The following NLGN1 variants were observed in gnomAD, a reference collection of about 807,000 sequenced individuals.
NLGN1 encodes neuroligin 1.
In NLGN1, 12 loss-of-function variants were observed where a neutral mutation model predicts 65.5. That is an observed-to-expected ratio of 0.18 (90% CI 0.12 to 0.30). NLGN1 has a LOEUF of 0.30. NLGN1 is among the 10% of genes least tolerant of loss of function. The probability of loss-of-function intolerance (pLI) is 1.00; values close to 1 mark genes in which losing one functional copy is unlikely to be tolerated. For synonymous variants in NLGN1, 350 were observed against 359.5 expected (o/e 0.97, Z 0.30); for missense variants, 750 against 1,007.1 (o/e 0.74, Z 3.46).
intron 3 of NLGN1, among the ~76,000 whole-genome samples, chr3:173,635,557 C>T (rs1020717338): frequency 4.6e-5 from 7 of 151,954 alleles, no homozygotes; most frequent in Admixed American, 1.3e-4. Context: ...AGAAGAAACA[C>T]GTAAAATTTT....
chr3:174,016,918 G>A (rs1726677841), intron 4 of NLGN1, among the ~76,000 whole-genome samples: 1 of 152,064 alleles, frequency 6.6e-6, no homozygotes, highest in African/African-American at 2.4e-5. Flanking sequence ...GTTGAGAAAG[G>A]AGCAGAGAAG....
Position 174,088,432 on chromosome 3 carries a change from G to T in NLGN1, c.647-186883G>T, listed in dbSNP as rs575703621. 2.7e-3 allele frequency among the ~76,000 whole-genome samples: 405 copies of T among 152,238 alleles called. 1 individual carries two copies. The highest frequency in any genetic ancestry group is 4.4e-3 in the Non-Finnish European group (300 of 68,016). On this transcript the variant is annotated intron_variant, in intron 4 of 6. Coordinates refer to ENST00000457714, the Ensembl canonical transcript of NLGN1. ...TCAAACTGTCAAAAGAAAAGAGAGAGAATAGGATTTTTAAAAATCATTAAT... is the reference window on the plus strand; with the variant it reads ...TCAAACTGTCAAAAGAAAAGAGAGATAATAGGATTTTTAAAAATCATTAAT...
intron 1 of NLGN1, among the ~76,000 whole-genome samples, chr3:173,429,633 G>GTATGTATGTATGACTAGTATGACTAGTCT (rs1342802902): frequency 3.3e-5 from 5 of 152,136 alleles, no homozygotes; most frequent in Admixed American, 2.0e-4. Context: ...GGTCTTTCTA[G>GTATGTATGTATGACTAGTATGACTAGTCT]AGTATGTATG....
chr3:173,916,028 T>G (rs1740663454), intron 4 of NLGN1, among the ~76,000 whole-genome samples: 1 of 152,178 alleles, frequency 6.6e-6, no homozygotes, highest in Non-Finnish European at 1.5e-5. Context: ...CTGCAGTGGG[T>G]TAACATGAGC....
At chr3:173,440,574 G>T (rs1394717281) in intron 2 of NLGN1, among the ~76,000 whole-genome samples, 2 of 152,158 alleles carry the variant, frequency 1.3e-5, no homozygotes, top group Non-Finnish European at 1.5e-5. Flanking sequence ...CATTAATCTT[G>T]TACATCTACA....
chr3:174,027,215 G>T (rs985989176), intron 4 of NLGN1, among the ~76,000 whole-genome samples: 1 of 152,032 alleles, frequency 6.6e-6, no homozygotes, highest in African/African-American at 2.4e-5. Context: ...TCTTTATCCA[G>T]CTGTCTACCC....
chr3:174,047,805 TA>T (rs373900247), intron 4 of NLGN1, among the ~76,000 whole-genome samples: 12,616 of 145,258 alleles, frequency 0.087, 998 homozygotes, highest in African/African-American at 0.22. Flanking sequence ...TTTGAGATAG[TA>T]AAAAAAAAAA....
intron 2 of NLGN1, among the ~76,000 whole-genome samples, chr3:173,591,492 C>T (rs950532523): frequency 6.6e-6 from 1 of 152,112 alleles, no homozygotes; most frequent in Non-Finnish European, 1.5e-5. Flanking sequence ...GACAGCTACT[C>T]CTTAAACAAT....
intron 4 of NLGN1, among the ~76,000 whole-genome samples, chr3:174,068,021 C>T (rs2152529250): frequency 6.6e-6 from 1 of 152,198 alleles, no homozygotes; most frequent in Non-Finnish European, 1.5e-5. Context: ...GTTTGTTTCC[C>T]ACTTGTATCA....
At chr3:173,805,541 C>T (rs901595822) in intron 3 of NLGN1, among the ~76,000 whole-genome samples, 3 of 152,096 alleles carry the variant, frequency 2.0e-5, no homozygotes, top group South Asian at 2.1e-4. Flanking sequence ...AAATATAAAA[C>T]GTGGCAGGTC....
intron 4 of NLGN1, among the ~76,000 whole-genome samples, chr3:174,147,314 C>A (rs753982589): frequency 6.6e-6 from 1 of 151,484 alleles, no homozygotes; most frequent in African/African-American, 2.4e-5. Context: ...ACAGGTCTAC[C>A]GAACAAGAGC....
At chr3:173,902,884 G>A (rs188260932) in intron 4 of NLGN1, among the ~76,000 whole-genome samples, 69 of 152,168 alleles carry the variant, frequency 4.5e-4, no homozygotes, top group African/African-American at 1.4e-3. Flanking sequence ...GCTAGAAACA[G>A]CATCAAAGCG....
chr3:173,529,966 C>CTTTTTT (rs930436367), intron 2 of NLGN1, among the ~76,000 whole-genome samples: 1 of 146,210 alleles, frequency 6.8e-6, no homozygotes, highest in African/African-American at 2.6e-5. Context: ...CTTTCTTTTC[C>CTTTTTT]TTTTTTTTTT....
intron 4 of NLGN1, among the ~76,000 whole-genome samples, chr3:173,900,112 G>A (rs1490329855): frequency 1.3e-5 from 2 of 152,078 alleles, no homozygotes; most frequent in Non-Finnish European, 2.9e-5. Flanking sequence ...CTATTAAAAA[G>A]AGGGTAGCAA....
intron 4 of NLGN1, among the ~76,000 whole-genome samples, chr3:173,959,186 A>G (rs1054799753): frequency 7.9e-5 from 12 of 152,334 alleles, no homozygotes; most frequent in Non-Finnish European, 1.8e-4. Context: ...GCCCGGGTCC[A>G]CAGTCACAGC....
intron 3 of NLGN1, among the ~76,000 whole-genome samples, chr3:173,792,895 G>A (rs573681022): frequency 1.8e-4 from 28 of 152,126 alleles, no homozygotes; most frequent in South Asian, 4.1e-4. Flanking sequence ...CATGAATTTC[G>A]AAAACATCAA....
chr3:174,281,576 A>C (rs1751543924), exon 7 of NLGN1: 3 of 334,794 alleles, frequency 9.0e-6, no homozygotes, highest in East Asian at 4.8e-5. Context: ...AAGTTACATA[A>C]TGGAATTAGG....
intron 4 of NLGN1, among the ~76,000 whole-genome samples, chr3:173,828,505 A>G (rs1054784080): frequency 1.3e-5 from 2 of 152,186 alleles, no homozygotes; most frequent in Non-Finnish European, 2.9e-5. Context: ...GGTATTGGAC[A>G]CAGAGCAGCA....
In NLGN1 at chr3:173,923,627, C is replaced by T. The variant is rs78269490; in HGVS notation, c.646+115795C>T. Among the ~76,000 whole-genome samples, 1,358 of 152,144 alleles carry T rather than the reference C, an allele frequency of 8.9e-3. 23 individuals carry two copies. Among genetic ancestry groups the T allele is most frequent in the African/African-American group, 0.031 (1,294 of 41,502 alleles). On this transcript the variant is annotated intron_variant, in intron 4 of 6. Transcript: ENST00000457714. ...ACCTGAATGATGTATGACATAATCT[C>T]CCTCTCACATCTCATTAAATTTTCA...
Sources: gnomAD v4.1 joint callset for allele counts (sites outside exome capture counted in the v4.1 genomes callset) on GRCh38, gnomAD v4.1.1 for gene constraint, MANE v1.5 for transcripts, NCBI Gene and HGNC (gene_info 2026-07-23, HGNC 2026-07-21) for gene names.